The following MED12L variants were observed in gnomAD, a reference collection of about 807,000 sequenced individuals.
MED12L encodes mediator complex subunit 12L, also known as mediator of RNA polymerase II transcription subunit 12-like protein.
MED12L carries 60 observed loss-of-function variants against 281.3 expected under a neutral mutation model. That is an observed-to-expected ratio of 0.21 (90% CI 0.17 to 0.26). MED12L has a LOEUF of 0.26. Ranked by LOEUF, MED12L falls within the 10% of genes least tolerant of loss-of-function variation. The pLI is 1.00. For synonymous variants in MED12L, 974 were observed against 987.2 expected (o/e 0.99, Z 0.25); for missense variants, 2,146 against 2,680.9 (o/e 0.80, Z 4.41).
intron 39 of MED12L, among the ~76,000 whole-genome samples, chr3:151,398,204 C>G (rs965694141): frequency 6.6e-6 from 1 of 152,202 alleles, no homozygotes; most frequent in Non-Finnish European, 1.5e-5. Flanking sequence ...GCTTTCCCTT[C>G]CAGTGCTTCC....
chr3:151,327,876 G>C (rs1749836258), intron 16 of MED12L: 2 of 744,794 alleles, frequency 2.7e-6, no homozygotes, highest in Admixed American at 2.8e-5. Flanking sequence ...TGTACACGAG[G>C]ATAATAAAAT....
intron 8 of MED12L, among the ~76,000 whole-genome samples, chr3:151,161,746 C>G (rs1447533437): frequency 3.3e-5 from 5 of 152,160 alleles, no homozygotes; most frequent in Non-Finnish European, 5.9e-5. Context: ...AGTGGCAAAG[C>G]TGGAATCCAA....
intron 16 of MED12L, among the ~76,000 whole-genome samples, chr3:151,260,739 A>G (rs1432432831): frequency 6.6e-6 from 1 of 152,188 alleles, no homozygotes; most frequent in East Asian, 1.9e-4. Flanking sequence ...TGAGGTTTGT[A>G]GGTATTTGGA....
intron 36 of MED12L, among the ~76,000 whole-genome samples, chr3:151,385,736 A>G (rs1350618778): frequency 7.3e-5 from 11 of 151,336 alleles, no homozygotes; most frequent in Non-Finnish European, 8.8e-5. Context: ...AAAAAAAAAA[A>G]CCTTCCTGTA....
At chr3:151,299,012 G>A (rs912275908) in intron 16 of MED12L, among the ~76,000 whole-genome samples, 3 of 152,154 alleles carry the variant, frequency 2.0e-5, no homozygotes, top group Non-Finnish European at 4.4e-5. Flanking sequence ...TGGATCTTCT[G>A]AGAGTTAAAT....
chr3:151,156,674 A>G (rs1719331204), intron 6 of MED12L, among the ~76,000 whole-genome samples: 1 of 152,220 alleles, frequency 6.6e-6, no homozygotes, highest in Non-Finnish European at 1.5e-5. Flanking sequence ...CTTCTGTGGT[A>G]GCAGACCTCC....
At chr3:151,226,447 C>A (rs1227131343) in intron 16 of MED12L, among the ~76,000 whole-genome samples, 1 of 152,110 alleles carries the variant, frequency 6.6e-6, no homozygotes, top group East Asian at 1.9e-4. Context: ...TCAAAGGGCA[C>A]CTAACACATA....
At chr3:151,126,203 C>T (rs1714497211) in intron 4 of MED12L, among the ~76,000 whole-genome samples, 1 of 151,998 alleles carries the variant, frequency 6.6e-6, no homozygotes, top group African/African-American at 2.4e-5. Flanking sequence ...TGTGTGCCAC[C>T]ACACTCACCT....
At chr3:151,269,146 A>G (rs1167817316) in intron 16 of MED12L, among the ~76,000 whole-genome samples, 1 of 152,200 alleles carries the variant, frequency 6.6e-6, no homozygotes. Context: ...GCGGTGGCTT[A>G]TGCCTATACT....
Position 151,141,183 on chromosome 3 carries a change from T to G in MED12L, c.556+13199T>G, listed in dbSNP as rs1324145595. On this transcript the variant is annotated intron_variant, in intron 5 of 44. Coordinates refer to ENST00000687756, the MANE Select transcript of MED12L (RefSeq NM_001393769.1). ...TGCCTGGCGTTTTTTTTTTTGTTTTTTTTGTTTTTTTTTTTTTGTTAGTAG... is the reference window on the plus strand; with the variant it reads ...TGCCTGGCGTTTTTTTTTTTGTTTTGTTTGTTTTTTTTTTTTTGTTAGTAG... Among the ~76,000 whole-genome samples, 76 of 122,976 alleles carry G rather than the reference T, an allele frequency of 6.2e-4. 1 individual carries two copies. Among genetic ancestry groups the G allele is most frequent in the African/African-American group, 3.4e-3 (73 of 21,382 alleles). The allele number at this position is 122,976 out of a possible 152,430, so 80.7% of individuals were successfully genotyped here.
At chr3:151,312,041 C>T (rs1296142138) in intron 16 of MED12L, among the ~76,000 whole-genome samples, 2 of 45,968 alleles carry the variant, frequency 4.4e-5, no homozygotes, top group South Asian at 6.8e-4. Context: ...GACTCCGTCT[C>T]AAAAACAACA....
chr3:151,216,239 A>C (rs1559889424), intron 16 of MED12L, among the ~76,000 whole-genome samples: 1 of 152,332 alleles, frequency 6.6e-6, no homozygotes, highest in East Asian at 1.9e-4. Flanking sequence ...ACAAGGCATG[A>C]ATCCTTGCTC....
intron 16 of MED12L, among the ~76,000 whole-genome samples, chr3:151,300,701 C>T (rs73157962): frequency 0.017 from 2,651 of 152,314 alleles, 31 homozygotes; most frequent in Non-Finnish European, 0.027. Flanking sequence ...GGTCCCATCA[C>T]TGATGTTGCT....
intron 16 of MED12L, among the ~76,000 whole-genome samples, chr3:151,290,354 T>C (rs1040006813): frequency 5.3e-5 from 8 of 152,146 alleles, no homozygotes; most frequent in African/African-American, 1.9e-4. Context: ...ATCATTTTTA[T>C]AATTTTAGAT....
chr3:151,369,344 AG>A (rs927802544), intron 25 of MED12L, 91 bp from the exon 26 acceptor site: 8 of 785,702 alleles, frequency 1.0e-5, no homozygotes, highest in African/African-American at 3.5e-5. Flanking sequence ...AAGCACCCAC[AG>A]TCTAACAATG....
chr3:151,252,788 A>G (rs959035131), intron 16 of MED12L, among the ~76,000 whole-genome samples: 3 of 152,174 alleles, frequency 2.0e-5, no homozygotes, highest in African/African-American at 7.2e-5. Context: ...TACTAACTAG[A>G]TAAGTTCTAG....
intron 17 of MED12L, among the ~76,000 whole-genome samples, chr3:151,351,448 G>A (rs927372212): frequency 2.0e-5 from 3 of 152,148 alleles, no homozygotes; most frequent in Admixed American, 6.5e-5. Flanking sequence ...AGCTCTCTGA[G>A]GAAGCAACCA....
At chr3:151,192,181 A>G (rs1483953262) in intron 14 of MED12L, among the ~76,000 whole-genome samples, 1 of 151,958 alleles carries the variant, frequency 6.6e-6, no homozygotes, top group Non-Finnish European at 1.5e-5. Context: ...TTTCTTTTCT[A>G]TTCTATAGAT....
intron 11 of MED12L, among the ~76,000 whole-genome samples, chr3:151,182,290 G>A (rs1274860942): frequency 6.7e-6 from 1 of 148,622 alleles, no homozygotes; most frequent in Admixed American, 6.6e-5. Context: ...CCCTAAATTA[G>A]AATGAGTTTT....
Sources: gnomAD v4.1 joint callset for allele counts (sites outside exome capture counted in the v4.1 genomes callset) on GRCh38, gnomAD v4.1.1 for gene constraint, MANE v1.5 for transcripts, NCBI Gene and HGNC (gene_info 2026-07-23, HGNC 2026-07-21) for gene names.